PRSS12: variants seen among roughly 807,000 people sequenced by gnomAD.
PRSS12 encodes the protein serine protease 12, also known as neurotrypsin.
Under a neutral mutation model 104.4 loss-of-function variants are expected in PRSS12, and 85 were observed. The ratio of observed to expected loss-of-function variants is 0.81; its 90% confidence interval spans 0.68 to 0.98. PRSS12 has a LOEUF of 0.98. Ranked by LOEUF, PRSS12 falls within the 50% of genes least tolerant of loss-of-function variation. The probability of loss-of-function intolerance (pLI) is 0.00; values close to 1 mark genes in which losing one functional copy is unlikely to be tolerated. For missense variants in PRSS12, 1,141 were observed against 1,139.2 expected (o/e 1.00, Z -0.02); for synonymous variants, 454 against 425.2 (o/e 1.07, Z -0.83).
rs568541644 is a variant in PRSS12, at chr4:118,352,346, C to T, written c.375G>A (p.Ala125=). The T allele has an allele frequency of 8.9e-6, 14 of 1,575,830 alleles. No homozygotes were observed. In the African/African-American group the frequency reaches 1.5e-4, roughly 17 times the overall value. Residue 125 remains alanine, a synonymous_variant, in exon 1 of 13, where the codon GCG becomes GCA. Transcript: ENST00000296498. ...VPPFLERSPP[A]SWAQLRGQRH... ...GCTGTCCTCGCAGCTGAGCCCAGCT[C>T]GCTGGGGGCGACCGCTCCAGGAAGG... is the stretch of plus-strand genomic sequence containing the variant.
chr4:118,288,017 A>AAAC lies in PRSS12; in HGVS notation c.2040-4909_2040-4907dup, dbSNP rs59543813. On this transcript the variant is annotated intron_variant, in intron 11 of 12. Coordinates refer to ENST00000296498, the MANE Select transcript of PRSS12 (RefSeq NM_003619.4). ...TTCTCTGAGACTCTGAGGCTAAAGT[A>AAAC]AACAACAACAACAACAAATTACTAG... 4.3e-3 allele frequency among the ~76,000 whole-genome samples: 648 copies of AAAC among 152,312 alleles called. 3 individuals are homozygous for AAAC. Among genetic ancestry groups the AAAC allele is most frequent in the African/African-American group, 0.015 (614 of 41,572 alleles).
Position 118,341,622 on chromosome 4 carries a change from C to T in PRSS12, c.503-3308G>A, listed in dbSNP as rs184525120. Reference sequence around the variant, plus strand: ...ACTTGAACCCGGGAGGCTGAGGTTGCGGCGAGCCGAGATCTCACCACTGCA... The same window carrying T: ...ACTTGAACCCGGGAGGCTGAGGTTGTGGCGAGCCGAGATCTCACCACTGCA... On this transcript the variant is annotated intron_variant, in intron 1 of 12. Coordinates refer to ENST00000296498, the MANE Select transcript of PRSS12 (RefSeq NM_003619.4). Among the ~76,000 whole-genome samples the T allele has an allele frequency of 9.0e-4, 137 of 151,678 alleles. 1 individual carries two copies. In the East Asian group the frequency reaches 0.019, roughly 21 times the overall value.
intron 8 of PRSS12, among the ~76,000 whole-genome samples, chr4:118,299,785 A>AAAATAAAAT (rs1229410018): frequency 3.1e-5 from 3 of 97,648 alleles, no homozygotes; most frequent in African/African-American, 1.0e-4. Context: ...AAAATAAAAT[A>AAAATAAAAT]AAATAAAATA....
At chr4:118,286,411 A>G (rs904126164) in intron 11 of PRSS12, among the ~76,000 whole-genome samples, 1 of 152,174 alleles carries the variant, frequency 6.6e-6, no homozygotes, top group Non-Finnish European at 1.5e-5. Flanking sequence ...CTATCCTAAT[A>G]TGGCAAAACC....
In PRSS12 at chr4:118,352,232, G is replaced by A. The variant is rs868254093; in HGVS notation, c.489C>T (p.Cys163=). Residue 163 remains cysteine (C), a synonymous_variant, in exon 1 of 13, where the codon TGC becomes TGT. Transcript: ENST00000296498. The part of the protein sequence containing the change: ...DARGKVDWGY[C]DCRHGSVRLR... ...GAGGCCACTAACCGTGTCTGCAGTC[G>A]CAGTAGCCCCAGTCCACCTTGCCAC... 1 of 1,611,880 alleles carries A rather than the reference G, an allele frequency of 6.2e-7. No individual in the cohort carries two copies. Among genetic ancestry groups the A allele is most frequent in the African/African-American group, 1.3e-5 (1 of 75,038 alleles).
At chr4:118,306,391 A>C (rs1743553891) in intron 8 of PRSS12, among the ~76,000 whole-genome samples, 1 of 152,196 alleles carries the variant, frequency 6.6e-6, no homozygotes, top group Non-Finnish European at 1.5e-5. Context: ...AAGAGGTTTA[A>C]TTGGCTCATA....
At chr4:118,326,855 G>T (rs755760621) in intron 4 of PRSS12, among the ~76,000 whole-genome samples, 1 of 152,028 alleles carries the variant, frequency 6.6e-6, no homozygotes, top group Non-Finnish European at 1.5e-5. Context: ...CATATACCAG[G>T]CTATCTTTGT....
At position 118,308,452 on chromosome 4, in the gene PRSS12, G is replaced by A. The variant is rs775094699; in HGVS notation, c.1615C>T (p.Arg539Cys). 2.4e-5 allele frequency: 38 copies of A among 1,613,880 alleles called. No homozygotes were observed. The highest frequency in any genetic ancestry group is 1.2e-4 in the Admixed American group (7 of 59,988). ...WTDKDAAVICRQLGYKGPARA... is the reference protein window; with the variant it reads ...WTDKDAAVICCQLGYKGPARA... ...TTTCCTTACTTGTAGCCAAGCTGAC[G>A]ACAGATCACAGCTGCATCCTTATCA... Residue 539 changes from arginine (R) to cysteine (C), a missense_variant, in exon 8 of 13, where the codon CGT (arginine) becomes TGT (cysteine). Physicochemically the swap from Arg to Cys is radical, Grantham distance 180. Transcript: ENST00000296498.
At chr4:118,295,915 A>AT (rs1743242964) in intron 9 of PRSS12, 59 bp from the exon 10 acceptor site, 2 of 1,410,800 alleles carry the variant, frequency 1.4e-6, no homozygotes, top group East Asian at 4.6e-5. Flanking sequence ...GGGTAAGACG[A>AT]TAAGTGACAT....
intron 11 of PRSS12, among the ~76,000 whole-genome samples, chr4:118,294,670 G>A (rs1743212619): frequency 6.6e-6 from 1 of 151,846 alleles, no homozygotes; most frequent in African/African-American, 2.4e-5. Context: ...GTTCTTGGGG[G>A]GAGCACTGAC....
intron 4 of PRSS12, among the ~76,000 whole-genome samples, chr4:118,331,008 T>C (rs1723903883): frequency 6.6e-6 from 1 of 152,224 alleles, no homozygotes; most frequent in Non-Finnish European, 1.5e-5. Context: ...TTTTAAATTC[T>C]GTAGTAAATG....
chr4:118,350,351 A>T (rs1430759883), intron 1 of PRSS12, among the ~76,000 whole-genome samples: 1 of 152,242 alleles, frequency 6.6e-6, no homozygotes, highest in African/African-American at 2.4e-5. Context: ...GAAATGTAGG[A>T]CCAAGAGAGC....
intron 4 of PRSS12, among the ~76,000 whole-genome samples, chr4:118,321,273 G>A (rs1355018645): frequency 1.3e-5 from 2 of 152,204 alleles, no homozygotes; most frequent in African/African-American, 4.8e-5. Context: ...TAATAGGATT[G>A]TTCTAAATAA....
At chr4:118,297,952 A>G (rs1743291806) in intron 9 of PRSS12, among the ~76,000 whole-genome samples, 1 of 152,128 alleles carries the variant, frequency 6.6e-6, no homozygotes, top group Admixed American at 6.5e-5. Flanking sequence ...AGCCTAGACA[A>G]CACGTGAAAC....
In PRSS12 at chr4:118,352,467, G is replaced by T. The variant is rs1724538705; in HGVS notation, c.254C>A (p.Thr85Lys). The change falls in exon 1 of 13, where the codon ACG becomes AAG. Residue 85 changes from threonine (T) to lysine (K), a missense_variant. Thr to Lys is a moderately conservative substitution (Grantham distance 78). Coordinates refer to ENST00000296498, the MANE Select transcript of PRSS12 (RefSeq NM_003619.4). ...QRPHALQAGH[T>K]PRPHPWGCPA... ...GCAGCCCCAGGGGTGCGGCCGGGGC[G>T]TGTGCCCGGCCTGGAGGGCGTGCGG... 1 of 1,396,852 alleles carries T rather than the reference G, an allele frequency of 7.2e-7. No homozygotes were observed. Among genetic ancestry groups the T allele is most frequent in the Non-Finnish European group, 9.2e-7 (1 of 1,082,786 alleles). The allele number at this position is 1,396,852 out of a possible 1,614,324, so 86.5% of individuals were successfully genotyped here.
At chr4:118,331,316 G>A (rs932431315) in intron 4 of PRSS12, among the ~76,000 whole-genome samples, 1 of 152,268 alleles carries the variant, frequency 6.6e-6, no homozygotes, top group Non-Finnish European at 1.5e-5. Flanking sequence ...ACCTAACAAG[G>A]AAGTGCAGTT....
intron 8 of PRSS12, among the ~76,000 whole-genome samples, chr4:118,299,760 AAAAT>A (rs1560768335): frequency 4.0e-4 from 19 of 47,912 alleles, no homozygotes; most frequent in African/African-American, 6.0e-4. Flanking sequence ...TAAAATAAAT[AAAAT>A]TAAATAAAAT....
intron 4 of PRSS12, among the ~76,000 whole-genome samples, chr4:118,320,198 A>G (rs967496356): frequency 3.3e-5 from 5 of 152,126 alleles, no homozygotes; most frequent in African/African-American, 9.7e-5. Flanking sequence ...TTGTTTTTCA[A>G]TGATACTGCA....
At chr4:118,296,865 T>C (rs961730149) in intron 9 of PRSS12, among the ~76,000 whole-genome samples, 2 of 152,180 alleles carry the variant, frequency 1.3e-5, no homozygotes, top group African/African-American at 4.8e-5. Flanking sequence ...TAGATGACAC[T>C]GCAAATTGTA....
Sources: gnomAD v4.1 joint callset for allele counts (sites outside exome capture counted in the v4.1 genomes callset) on GRCh38, gnomAD v4.1.1 for gene constraint, MANE v1.5 for transcripts, NCBI Gene and HGNC (gene_info 2026-07-23, HGNC 2026-07-21) for gene names.